SPATA7: variants seen among roughly 807,000 people sequenced by gnomAD.
The protein encoded by SPATA7 is spermatogenesis associated 7, also known as spermatogenesis-associated protein 7.
SPATA7 carries 43 observed loss-of-function variants against 51.8 expected under a neutral mutation model. The observed-to-expected ratio is 0.83, with a 90% confidence interval of 0.65 to 1.07. The LOEUF is 1.07. Ranked by LOEUF, SPATA7 falls within the 50% of genes least tolerant of loss-of-function variation. The probability of loss-of-function intolerance (pLI) is 0.00; values close to 1 mark genes in which losing one functional copy is unlikely to be tolerated. For missense variants in SPATA7, 683 were observed against 701.3 expected (o/e 0.97, Z 0.30); for synonymous variants, 230 against 252.8 (o/e 0.91, Z 0.86).
chr14:88,389,806 T>G (rs75598917), intron 1 of SPATA7, among the ~76,000 whole-genome samples: 112 of 152,304 alleles, frequency 7.4e-4, no homozygotes, highest in Non-Finnish European at 1.3e-3. Flanking sequence ...CTTTCACACT[T>G]CTCTGGGTAT....
intron 5 of SPATA7, among the ~76,000 whole-genome samples, chr14:88,421,746 C>T (rs1284857377): frequency 6.6e-6 from 1 of 151,926 alleles, no homozygotes; most frequent in Non-Finnish European, 1.5e-5. Context: ...GTCAGGAGTT[C>T]GAGACCAGCC....
chr14:88,470,068 T>TA (rs748514941), exon 5 of SPATA7: 30 of 1,608,824 alleles, frequency 1.9e-5, no homozygotes, highest in Middle Eastern at 3.3e-4. Context: ...TAGAAAAGGT[T>TA]AAAAAAATTG....
rs749242147 is a variant in SPATA7 at position 88,469,022 on chromosome 14, G to A, written c.255-825G>A. On this transcript the variant is annotated intron_variant, in intron 4 of 4. Transcript: ENST00000556406. This position sits in a 1 kb window ranked among gnomAD's most constrained non-coding sequence, Gnocchi z 4.3. ...CAACAACGGAGGGTTGGGGCTTTGGGGATCACTTGTGCTATTTGTATGGCG... is the reference window on the plus strand; with the variant it reads ...CAACAACGGAGGGTTGGGGCTTTGGAGATCACTTGTGCTATTTGTATGGCG... 1.2e-6 allele frequency: 2 copies of A among 1,614,062 alleles called. No homozygotes were observed. The highest frequency in any genetic ancestry group is 1.7e-6 in the Non-Finnish European group (2 of 1,180,010).
At chr14:88,414,719 T>C in intron 4 of SPATA7, 1 of 373,256 alleles carries the variant, frequency 2.7e-6, no homozygotes, top group South Asian at 2.1e-5. Flanking sequence ...TTTTGCTGCA[T>C]CCCAGAAATT....
chr14:88,395,558 C>T (rs530372524), intron 3 of SPATA7, among the ~76,000 whole-genome samples: 42 of 152,038 alleles, frequency 2.8e-4, no homozygotes, highest in South Asian at 1.7e-3. Context: ...TTTAAATTTG[C>T]GATCCATTTT....
At chr14:88,464,679 G>A (rs375599907) in intron 4 of SPATA7, among the ~76,000 whole-genome samples, 26 of 152,020 alleles carry the variant, frequency 1.7e-4, no homozygotes, top group Non-Finnish European at 3.8e-4. Flanking sequence ...TCAGTAAGCC[G>A]AGATCGTGCC....
intron 9 of SPATA7, among the ~76,000 whole-genome samples, chr14:88,431,596 T>G (rs1051669206): frequency 6.6e-6 from 1 of 152,188 alleles, no homozygotes; most frequent in African/African-American, 2.4e-5. Context: ...GTAACAAATC[T>G]CAGCTTGTCC....
chr14:88,394,556 T>C (rs2075830852), intron 3 of SPATA7, among the ~76,000 whole-genome samples: 1 of 152,216 alleles, frequency 6.6e-6, no homozygotes, highest in Non-Finnish European at 1.5e-5. Context: ...GATTCACCAG[T>C]TGTTAAACAT....
At chr14:88,464,435 A>G (rs2077340453) in intron 4 of SPATA7, among the ~76,000 whole-genome samples, 1 of 152,154 alleles carries the variant, frequency 6.6e-6, no homozygotes. Context: ...GTTCCTTTAA[A>G]AAGTCTGACT....
chr14:88,453,771 G>C (rs1042137318), intron 3 of SPATA7, among the ~76,000 whole-genome samples: 4 of 152,204 alleles, frequency 2.6e-5, no homozygotes, highest in African/African-American at 9.6e-5. Context: ...TCATACTTCA[G>C]TGATAGAAGA....
At chr14:88,397,503 T>C (rs960473902) in intron 4 of SPATA7, among the ~76,000 whole-genome samples, 3 of 151,876 alleles carry the variant, frequency 2.0e-5, no homozygotes, top group Admixed American at 1.3e-4. Context: ...ATTAGCTGGA[T>C]GTGGTGGCAT....
At chr14:88,413,803 A>AGAT (rs1339842595) in intron 4 of SPATA7, among the ~76,000 whole-genome samples, 1 of 151,854 alleles carries the variant, frequency 6.6e-6, no homozygotes, top group African/African-American at 2.4e-5. Context: ...ACATCTGTTG[A>AGAT]GATGATCATA....
At chr14:88,395,302 C>T (rs1191918143) in intron 3 of SPATA7, among the ~76,000 whole-genome samples, 2 of 151,130 alleles carry the variant, frequency 1.3e-5, no homozygotes, top group African/African-American at 2.5e-5. Flanking sequence ...TTTTTATTTT[C>T]TCATTTAAAT....
chr14:88,394,903 CTGT>C (rs1446721775), intron 3 of SPATA7, among the ~76,000 whole-genome samples: 2 of 152,108 alleles, frequency 1.3e-5, no homozygotes, highest in East Asian at 3.8e-4. Context: ...TACTTCCCAT[CTGT>C]ATATCTTCTT....
In SPATA7 at chr14:88,468,768, A is replaced by AC. The variant is rs2077405241; in HGVS notation, c.255-1078dup. On this transcript the variant is annotated intron_variant, in intron 4 of 4. Coordinates refer to the SPATA7 transcript ENST00000556406. Reference sequence around the variant, plus strand: ...TGGTACTGAGACTCTCCAAGAAGACACAGCCTTTTGCAGGGAACATTAGTA... The same window carrying AC: ...TGGTACTGAGACTCTCCAAGAAGACACCAGCCTTTTGCAGGGAACATTAGTA... The AC allele has an allele frequency of 3.4e-6, 3 of 894,122 alleles. No homozygotes were observed. In the South Asian group the frequency reaches 4.9e-5, roughly 15 times the overall value. 55.4% of individuals were successfully genotyped at this position (894,122 alleles called of 1,614,324 possible).
chr14:88,413,189 A>T (rs2076388023), intron 4 of SPATA7, among the ~76,000 whole-genome samples: 1 of 152,184 alleles, frequency 6.6e-6, no homozygotes, highest in South Asian at 2.1e-4. Context: ...CGAACATGGA[A>T]TGTTTTTCCG....
chr14:88,447,089 A>C (rs2077219020), intron 3 of SPATA7, among the ~76,000 whole-genome samples: 1 of 150,822 alleles, frequency 6.6e-6, no homozygotes, highest in African/African-American at 2.4e-5. Context: ...TGGGGTGTTA[A>C]AGTCTCCCAT....
chr14:88,457,733 A>G (rs11770180), downstream of SPATA7, among the ~76,000 whole-genome samples: 861 of 152,146 alleles, frequency 5.7e-3, 13 homozygotes, highest in African/African-American at 0.02. Flanking sequence ...TCTCCTGCCT[A>G]ATTGCCCTGG....
chr14:88,391,615 G>A (rs2075747010), intron 2 of SPATA7, 160 bp downstream of exon 2: 1 of 707,518 alleles, frequency 1.4e-6, no homozygotes, highest in African/African-American at 1.8e-5. Flanking sequence ...TGAGATTAGA[G>A]AATTTTGGAG....
Sources: allele counts gnomAD v4.1 joint callset (sites outside exome capture counted in the v4.1 genomes callset), GRCh38; gene constraint gnomAD v4.1.1; non-coding constraint Gnocchi (gnomAD v3.1); transcripts MANE v1.5; gene names NCBI Gene and HGNC (gene_info 2026-07-23, HGNC 2026-07-21).